Variants in ZDHHC7 observed in about 807,000 individuals in gnomAD.
ZDHHC7 encodes the protein zDHHC palmitoyltransferase 7, also known as palmitoyltransferase ZDHHC7.
Under a neutral mutation model 34.1 loss-of-function variants are expected in ZDHHC7, and 12 were observed. The ratio of observed to expected loss-of-function variants is 0.35; its 90% CI spans 0.23 to 0.57. The LOEUF (loss-of-function observed/expected upper bound fraction) is 0.57. ZDHHC7 is among the 20% of genes least tolerant of loss of function. ZDHHC7 has a pLI of 0.84. For missense variants in ZDHHC7, 388 were observed against 402.7 expected, an observed-to-expected ratio of 0.96 and a Z score of 0.31; for synonymous variants, 185 against 155.4, an observed-to-expected ratio of 1.19 and a Z score of -1.42.
chr16:84,977,919 C>A lies in ZDHHC7; in HGVS notation c.619+5G>T. 1.2e-6 allele frequency: 2 copies of A among 1,612,514 alleles called. No individual in the cohort carries two copies. The highest frequency in any genetic ancestry group is 1.7e-6 in the Non-Finnish European group (2 of 1,178,782). On this transcript the variant is annotated splice_donor_5th_base_variant and intron_variant, in intron 6 of 7. Transcript: ENST00000313732. ...CCAGGAATGACACATAGCCAGGGAA[C>A]TTACCAGTCCACTGCCCTCGGACAC...
rs113846683 is a variant in ZDHHC7 at position 84,981,090 on chromosome 16, A to C, written c.440+780T>G. On this transcript the variant is annotated intron_variant, in intron 4 of 7. Transcript: ENST00000313732. ...TCACACAGTACAGGGACGTGTGACA[A>C]CTATTTCAAGGAATGGAGAAATACA... Among the ~76,000 whole-genome samples the C allele has an allele frequency of 5.4e-3, 825 of 152,328 alleles. 9 individuals carry two copies. The highest frequency in any genetic ancestry group is 0.019 in the African/African-American group (795 of 41,564).
intron 1 of ZDHHC7, among the ~76,000 whole-genome samples, chr16:85,010,159 T>G (rs918780475): frequency 6.6e-6 from 1 of 150,836 alleles, no homozygotes; most frequent in Non-Finnish European, 1.5e-5. Context: ...AGCTGAGACC[T>G]CAGGCGTGTA....
chr16:85,023,066 C>T, the ZDHHC7 span, among the ~76,000 whole-genome samples: 1 of 152,172 alleles, frequency 6.6e-6, no homozygotes, highest in South Asian at 2.1e-4. Context: ...CAATTCTCCC[C>T]TAGAGCCTCT....
chr16:85,015,672 AC>A (rs2072831183), upstream of ZDHHC7, among the ~76,000 whole-genome samples: 1 of 151,944 alleles, frequency 6.6e-6, no homozygotes, highest in South Asian at 2.1e-4. Flanking sequence ...ATGTAATGAC[AC>A]CCTGTCTACA....
chr16:85,018,628 G>C, the ZDHHC7 span, among the ~76,000 whole-genome samples: 4 of 152,118 alleles, frequency 2.6e-5, no homozygotes, highest in South Asian at 8.3e-4. Flanking sequence ...TGTATTTTTA[G>C]TAGAGACGGG....
intron 6 of ZDHHC7, chr16:84,977,430 G>A (rs2072312656): frequency 1.6e-6 from 1 of 611,862 alleles, no homozygotes; most frequent in Non-Finnish European, 2.8e-6. Flanking sequence ...TGACTTCCTG[G>A]CCAGTGGTTT....
chr16:84,980,649 G>A (rs534572577), intron 4 of ZDHHC7, among the ~76,000 whole-genome samples: 10 of 152,056 alleles, frequency 6.6e-5, no homozygotes, highest in South Asian at 2.1e-4. Context: ...CAGCCTGGGC[G>A]ACAGAGCAAG....
At chr16:84,998,195 C>T (rs1160088847) in intron 1 of ZDHHC7, among the ~76,000 whole-genome samples, 2 of 148,106 alleles carry the variant, frequency 1.4e-5, no homozygotes, top group East Asian at 2.0e-4. Context: ...ACCCGGGAGG[C>T]GGAGTTTGCA....
At chr16:85,001,163 A>C (rs1313296087) in intron 1 of ZDHHC7, among the ~76,000 whole-genome samples, 2 of 152,140 alleles carry the variant, frequency 1.3e-5, no homozygotes, top group African/African-American at 4.8e-5. Flanking sequence ...ACCTTAGGTA[A>C]ACCAGATGGT....
chr16:84,976,553 T>G, intron 7 of ZDHHC7, 34 bp from the exon 8 acceptor site: 2 of 1,603,930 alleles, frequency 1.2e-6, no homozygotes, highest in African/African-American at 2.7e-5. Context: ...TGGCAGCGGC[T>G]CCAGGAAGCT....
intron 3 of ZDHHC7, among the ~76,000 whole-genome samples, chr16:84,984,112 G>T (rs945508142): frequency 1.3e-5 from 2 of 149,154 alleles, no homozygotes; most frequent in Non-Finnish European, 3.0e-5. Context: ...CTCTGCCTCC[G>T]GGGTTCAAGC....
chr16:84,980,034 C>G (rs1003207337), intron 4 of ZDHHC7, among the ~76,000 whole-genome samples: 1 of 149,316 alleles, frequency 6.7e-6, no homozygotes, highest in Non-Finnish European at 1.5e-5. Context: ...AATCTCAGCT[C>G]CCTGCAAGCT....
At chr16:84,984,112 G>A (rs945508142) in intron 3 of ZDHHC7, among the ~76,000 whole-genome samples, 15 of 149,154 alleles carry the variant, frequency 1.0e-4, no homozygotes, top group Non-Finnish European at 1.5e-4. Context: ...CTCTGCCTCC[G>A]GGGTTCAAGC....
chr16:85,019,490 G>C, the ZDHHC7 span, among the ~76,000 whole-genome samples: 1 of 152,124 alleles, frequency 6.6e-6, no homozygotes, highest in Non-Finnish European at 1.5e-5. Flanking sequence ...GGCTGAGGCG[G>C]GCAGATCACC....
At position 84,975,953 on chromosome 16, in the gene ZDHHC7, G is replaced by C. The variant is rs1239298884; in HGVS notation, c.*390C>G. ...CACTGCTGAGTGGCGGGGTCAGCAGGAGCCCCCTGAAATGACTGCTTGGAG... is the reference window on the plus strand; with the variant it reads ...CACTGCTGAGTGGCGGGGTCAGCAGCAGCCCCCTGAAATGACTGCTTGGAG... On this transcript the variant is annotated 3_prime_UTR_variant, in exon 8 of 8. Transcript: ENST00000313732. 6 of 216,422 alleles carry C rather than the reference G, an allele frequency of 2.8e-5. No individual in the cohort carries two copies. In the South Asian group the frequency reaches 4.2e-4, roughly 15 times the overall value. 13.4% of individuals were successfully genotyped at this position (216,422 alleles called of 1,614,324 possible). A position where few individuals can be genotyped will look rare whatever the true frequency, so the allele number is the denominator to read the frequency against.
At chr16:84,998,956 T>A (rs2072620018) in intron 1 of ZDHHC7, among the ~76,000 whole-genome samples, 1 of 152,082 alleles carries the variant, frequency 6.6e-6, no homozygotes, top group African/African-American at 2.4e-5. Flanking sequence ...GGTTTCACCA[T>A]GTTAGCCAGG....
At chr16:85,002,291 G>C (rs544066694) in intron 1 of ZDHHC7, among the ~76,000 whole-genome samples, 1 of 152,168 alleles carries the variant, frequency 6.6e-6, no homozygotes, top group Admixed American at 6.5e-5. Context: ...AGTTTCTAAC[G>C]AGTGGAGTAC....
chr16:84,985,246 A>T (rs558235043), intron 3 of ZDHHC7, among the ~76,000 whole-genome samples: 3 of 152,298 alleles, frequency 2.0e-5, no homozygotes, highest in African/African-American at 7.2e-5. Flanking sequence ...AGCCCTGATG[A>T]GACAAAGCAG....
At position 84,976,048 on chromosome 16, in the gene ZDHHC7, A is replaced by G. The variant is rs1027549274; in HGVS notation, c.*295T>C. ...CAGCAGCTCAGGACCCAGGATTTGAATAACCCATGTAATAACCCGAAGTAT... is the reference window on the plus strand; with the variant it reads ...CAGCAGCTCAGGACCCAGGATTTGAGTAACCCATGTAATAACCCGAAGTAT... On this transcript the variant is annotated 3_prime_UTR_variant, in exon 8 of 8. Coordinates refer to ENST00000313732, the MANE Select transcript of ZDHHC7 (RefSeq NM_017740.3). 5 of 376,008 alleles carry G rather than the reference A, an allele frequency of 1.3e-5. No individual in the cohort carries two copies. Among genetic ancestry groups the G allele is most frequent in the African/African-American group, 8.7e-5 (4 of 45,878 alleles). The allele number at this position is 376,008 out of a possible 1,614,324, so 23.3% of individuals were successfully genotyped here. A position where few individuals can be genotyped will look rare whatever the true frequency, so the allele number is the denominator to read the frequency against.
Sources: allele counts gnomAD v4.1 joint callset (sites outside exome capture counted in the v4.1 genomes callset), GRCh38; gene constraint gnomAD v4.1.1; transcripts MANE v1.5; gene names NCBI Gene and HGNC (gene_info 2026-07-23, HGNC 2026-07-21).